The following NKAIN3 variants were observed in gnomAD, a reference collection of about 807,000 sequenced individuals.
NKAIN3 encodes the protein sodium/potassium transporting ATPase interacting 3.
A neutral mutation model predicts 30.2 loss-of-function variants in NKAIN3; 25 were observed. The ratio of observed to expected loss-of-function variants is 0.83; its 90% CI spans 0.60 to 1.16. The LOEUF (loss-of-function observed/expected upper bound fraction) is 1.16, where lower values mean the gene tolerates loss of function less well. Ranked by LOEUF, NKAIN3 falls within the 50% of genes most tolerant of loss-of-function variation. The pLI is 0.00. For missense variants in NKAIN3, 225 were observed against 254.1 expected (o/e 0.89, Z 0.78); for synonymous variants, 91 against 89.6 (o/e 1.02, Z -0.09).
Position 62,975,475 on chromosome 8 carries a change from C to T in NKAIN3, c.*10068C>T, listed in dbSNP as rs138726855. ...TAGAGTTGTTTGTAATATTCTCTGA[C>T]GGTAGTTTGCATTTCTGTGGGATTA... On this transcript the variant is annotated 3_prime_UTR_variant, in exon 7 of 7. Transcript: ENST00000623646. 0.017 allele frequency among the ~76,000 whole-genome samples: 2,599 copies of T among 152,068 alleles called. 59 individuals carry two copies. The highest frequency in any genetic ancestry group is 0.054 in the African/African-American group (2,247 of 41,514).
chr8:62,776,677 G>A (rs1346819948), intron 4 of NKAIN3, among the ~76,000 whole-genome samples: 2 of 152,004 alleles, frequency 1.3e-5, no homozygotes, highest in African/African-American at 2.4e-5. Context: ...AAAAGTTGTT[G>A]TACTTATTAT....
At chr8:62,743,301 AT>A (rs1212366558) in intron 3 of NKAIN3, among the ~76,000 whole-genome samples, 5 of 152,164 alleles carry the variant, frequency 3.3e-5, no homozygotes, top group South Asian at 2.1e-4. Flanking sequence ...TTAAAAAAAA[AT>A]GTTTCTAATC....
intron 4 of NKAIN3, among the ~76,000 whole-genome samples, chr8:62,889,853 T>C (rs1482451484): frequency 6.6e-6 from 1 of 152,080 alleles, no homozygotes; most frequent in Non-Finnish European, 1.5e-5. Context: ...AACTTTTAAT[T>C]AGGTTTGGGT....
At chr8:62,485,480 G>GTAAT (rs1433642049) in intron 1 of NKAIN3, among the ~76,000 whole-genome samples, 1 of 152,172 alleles carries the variant, frequency 6.6e-6, no homozygotes, top group African/African-American at 2.4e-5. Context: ...ACATGTTTGT[G>GTAAT]TAATCCCCTG....
At chr8:62,269,639 T>C (rs1812717867) in intron 1 of NKAIN3, among the ~76,000 whole-genome samples, 1 of 152,206 alleles carries the variant, frequency 6.6e-6, no homozygotes, top group Non-Finnish European at 1.5e-5. Flanking sequence ...GATTTTATTA[T>C]CACATTTCTG....
intron 1 of NKAIN3, among the ~76,000 whole-genome samples, chr8:62,418,612 A>G (rs568997127): frequency 6.6e-6 from 1 of 152,244 alleles, no homozygotes; most frequent in South Asian, 2.1e-4. Context: ...GGCTTGTCTC[A>G]TGGAATGATG....
At chr8:62,291,705 T>C (rs1229519665) in intron 1 of NKAIN3, among the ~76,000 whole-genome samples, 1 of 152,230 alleles carries the variant, frequency 6.6e-6, no homozygotes, top group Non-Finnish European at 1.5e-5. Context: ...GAGAAGAATG[T>C]ATATTCTGTT....
intron 4 of NKAIN3, among the ~76,000 whole-genome samples, chr8:62,851,595 G>C (rs1352942766): frequency 6.6e-6 from 1 of 152,138 alleles, no homozygotes; most frequent in Non-Finnish European, 1.5e-5. Context: ...CTGTGGGTTT[G>C]TCATAGATAG....
chr8:62,572,667 A>G (rs1011431361), intron 1 of NKAIN3, among the ~76,000 whole-genome samples: 7 of 152,196 alleles, frequency 4.6e-5, no homozygotes, highest in African/African-American at 1.4e-4. Flanking sequence ...GGTGAATGAC[A>G]CATTTCATTT....
chr8:62,573,173 C>T (rs770227962), intron 1 of NKAIN3, among the ~76,000 whole-genome samples: 1 of 152,150 alleles, frequency 6.6e-6, no homozygotes, highest in Non-Finnish European at 1.5e-5. Flanking sequence ...ATTCCAACCT[C>T]TCTTAGATAT....
At chr8:62,358,992 T>C (rs1216392341) in intron 1 of NKAIN3, among the ~76,000 whole-genome samples, 2 of 152,100 alleles carry the variant, frequency 1.3e-5, no homozygotes, top group African/African-American at 4.8e-5. Flanking sequence ...CCATCCTGGC[T>C]AACACGGTGA....
chr8:62,480,240 G>T (rs1806670069), intron 1 of NKAIN3, among the ~76,000 whole-genome samples: 1 of 152,060 alleles, frequency 6.6e-6, no homozygotes, highest in Admixed American at 6.5e-5. Context: ...ACATACACCT[G>T]AGATCATCTG....
chr8:62,555,009 TATAC>T (rs1455059832), intron 1 of NKAIN3, among the ~76,000 whole-genome samples: 7 of 104,744 alleles, frequency 6.7e-5, no homozygotes, highest in African/African-American at 1.3e-4. Context: ...TGGCAGAATC[TATAC>T]ACACACACAC....
chr8:62,792,089 A>G (rs946113297), intron 4 of NKAIN3, among the ~76,000 whole-genome samples: 1 of 152,054 alleles, frequency 6.6e-6, no homozygotes, highest in Non-Finnish European at 1.5e-5. Context: ...ATAGTCTGAG[A>G]CCTCTTATCC....
chr8:62,956,748 C>A (rs1823428978), intron 6 of NKAIN3, among the ~76,000 whole-genome samples: 1 of 152,152 alleles, frequency 6.6e-6, no homozygotes, highest in African/African-American at 2.4e-5. Context: ...GCACAACAGG[C>A]ACAGCCTAAG....
intron 3 of NKAIN3, among the ~76,000 whole-genome samples, chr8:62,704,385 G>A (rs1431693672): frequency 6.6e-6 from 1 of 152,008 alleles, no homozygotes; most frequent in Non-Finnish European, 1.5e-5. Context: ...ATGAACAATA[G>A]TCCTTTTTTC....
Position 62,581,882 on chromosome 8 carries a change from ACCCTTCCTCCC to A in NKAIN3, c.192+2207_192+2217del, listed in dbSNP as rs1563469040. On this transcript the variant is annotated intron_variant, in intron 2 of 6. Coordinates refer to ENST00000623646, the MANE Select transcript of NKAIN3 (RefSeq NM_001304533.3). Reference sequence around the variant, plus strand: ...CACCCATCCTCACTCCCTTCCTTCTACCCTTCCTCCCTCCCTTCCTTCTTTCCTTCCTTCCC... The same window carrying A: ...CACCCATCCTCACTCCCTTCCTTCTATCCCTTCCTTCTTTCCTTCCTTCCC... 2.9e-3 allele frequency among the ~76,000 whole-genome samples: 19 copies of A among 6,548 alleles called. 1 individual carries two copies. Among genetic ancestry groups the A allele is most frequent in the African/African-American group, 0.011 (17 of 1,568 alleles). 4.3% of individuals were successfully genotyped at this position (6,548 alleles called of 152,430 possible).
At chr8:62,867,869 T>G (rs1279351431) in intron 4 of NKAIN3, among the ~76,000 whole-genome samples, 1 of 152,256 alleles carries the variant, frequency 6.6e-6, no homozygotes, top group Non-Finnish European at 1.5e-5. Flanking sequence ...TAGATCCCTT[T>G]GTTTTATGTG....
intron 3 of NKAIN3, among the ~76,000 whole-genome samples, chr8:62,657,647 A>G (rs1586057397): frequency 2.0e-5 from 3 of 152,328 alleles, no homozygotes; most frequent in Middle Eastern, 6.8e-3. Flanking sequence ...TGTGGTACCT[A>G]AAATAGTCTC....
Sources: allele counts gnomAD v4.1 joint callset (sites outside exome capture counted in the v4.1 genomes callset), GRCh38; gene constraint gnomAD v4.1.1; transcripts MANE v1.5; gene names NCBI Gene and HGNC (gene_info 2026-07-23, HGNC 2026-07-21).